The following FAR2 variants were observed in gnomAD, a reference collection of about 807,000 sequenced individuals.
FAR2 encodes the protein fatty acyl-CoA reductase 2, also known as epididymis secretory protein Li 81.
FAR2 carries 19 observed loss-of-function variants against 56.0 expected under a neutral mutation model. That is an observed-to-expected ratio of 0.34 (90% confidence interval 0.24 to 0.50). The LOEUF (loss-of-function observed/expected upper bound fraction) is 0.50, where lower values mean the gene tolerates loss of function less well. FAR2 is among the 20% of genes least tolerant of loss of function. FAR2 has a pLI of 0.98. For synonymous variants in FAR2, 219 were observed against 218.8 expected, an observed-to-expected ratio of 1.00 and a Z score of -0.01; for missense variants, 508 against 642.2, an observed-to-expected ratio of 0.79 and a Z score of 2.26.
chr12:29,274,458 G>T (rs1948672252), intron 2 of FAR2, among the ~76,000 whole-genome samples: 1 of 151,942 alleles, frequency 6.6e-6, no homozygotes, highest in South Asian at 2.1e-4. Flanking sequence ...GGACATTTGG[G>T]TTGGTTCCAA....
At chr12:29,187,018 G>A (rs1284836606) in intron 1 of FAR2, among the ~76,000 whole-genome samples, 1 of 152,072 alleles carries the variant, frequency 6.6e-6, no homozygotes, top group Non-Finnish European at 1.5e-5. Flanking sequence ...TCGATCTCCT[G>A]GCCTCGTGAT....
intron 1 of FAR2, among the ~76,000 whole-genome samples, chr12:29,241,877 C>A (rs1280885563): frequency 6.6e-6 from 1 of 152,196 alleles, no homozygotes; most frequent in Non-Finnish European, 1.5e-5. Context: ...GGGTGTAGCA[C>A]CCCCTGGGTG....
intron 10 of FAR2, among the ~76,000 whole-genome samples, chr12:29,323,279 A>G (rs1949583245): frequency 6.6e-6 from 1 of 152,234 alleles, no homozygotes; most frequent in African/African-American, 2.4e-5. Flanking sequence ...CCCACCACAG[A>G]TCAAGGAGGC....
rs772522372 is a variant in FAR2 at position 29,321,962 on chromosome 12, A to G, written c.1257+38A>G. 8.9e-6 allele frequency: 14 copies of G among 1,579,558 alleles called. No individual in the cohort carries two copies. In the Admixed American group the frequency reaches 2.6e-4, roughly 29 times the overall value. On this transcript the variant is annotated intron_variant, in intron 10 of 11. Transcript: ENST00000536681. ...CTGACTTAAGCACCAGGAAAATGCT[A>G]CTCACTTGGAATTTAGAATTATTTG...
intron 1 of FAR2, among the ~76,000 whole-genome samples, chr12:29,256,320 T>A (rs1426436258): frequency 6.6e-6 from 1 of 152,150 alleles, no homozygotes; most frequent in Admixed American, 6.5e-5. Context: ...TCCTAGTAGC[T>A]GAGATTACAG....
At chr12:29,323,043 G>T (rs1036800614) in intron 10 of FAR2, among the ~76,000 whole-genome samples, 1 of 152,238 alleles carries the variant, frequency 6.6e-6, no homozygotes, top group Non-Finnish European at 1.5e-5. Context: ...GGTAGCTGTA[G>T]ACTGGAGCTG....
At chr12:29,170,693 C>T (rs1949876975) in intron 1 of FAR2, among the ~76,000 whole-genome samples, 1 of 151,886 alleles carries the variant, frequency 6.6e-6, no homozygotes, top group South Asian at 2.1e-4. Flanking sequence ...TCCTCTCTCT[C>T]TTTGACTTTC....
chr12:29,175,181 A>C (rs149081076), intron 1 of FAR2, among the ~76,000 whole-genome samples: 2 of 152,342 alleles, frequency 1.3e-5, no homozygotes, highest in African/African-American at 4.8e-5. Flanking sequence ...GGTACTCCCC[A>C]CTTGGCGATA....
chr12:29,189,929 TG>T (rs1950086682), intron 1 of FAR2, among the ~76,000 whole-genome samples: 2 of 152,100 alleles, frequency 1.3e-5, no homozygotes, highest in African/African-American at 4.8e-5. Flanking sequence ...AGACAGACTT[TG>T]AAGATACAGC....
chr12:29,284,006 T>C (rs529248427), intron 2 of FAR2, among the ~76,000 whole-genome samples: 1 of 152,360 alleles, frequency 6.6e-6, no homozygotes, highest in South Asian at 2.1e-4. Context: ...TCGAGTTTCC[T>C]AGTGTCTTAC....
chr12:29,271,927 G>A (rs1052001903), intron 2 of FAR2, among the ~76,000 whole-genome samples: 1 of 152,062 alleles, frequency 6.6e-6, no homozygotes, highest in African/African-American at 2.4e-5. Flanking sequence ...GGAAAAATTG[G>A]ATTTCCAACC....
At chr12:29,157,111 T>TATAG (rs1481356370) in intron 1 of FAR2, 19 of 91,052 alleles carry the variant, frequency 2.1e-4, no homozygotes, top group Non-Finnish European at 3.8e-4. Flanking sequence ...ACATTTTATA[T>TATAG]ATATATATAT....
At chr12:29,197,264 A>C (rs780569604) in intron 1 of FAR2, among the ~76,000 whole-genome samples, 33 of 152,224 alleles carry the variant, frequency 2.2e-4, no homozygotes, top group Non-Finnish European at 1.0e-4. Flanking sequence ...GTTCATTTAG[A>C]GTTTCCAAGA....
chr12:29,294,003 T>C (rs981127319), intron 3 of FAR2, among the ~76,000 whole-genome samples: 4 of 152,220 alleles, frequency 2.6e-5, no homozygotes, highest in Non-Finnish European at 4.4e-5. Flanking sequence ...ACATATCAGA[T>C]GTTACCCAGG....
intron 2 of FAR2, among the ~76,000 whole-genome samples, chr12:29,274,242 G>T (rs1418319172): frequency 7.8e-6 from 1 of 127,812 alleles, no homozygotes; most frequent in Non-Finnish European, 1.5e-5. Context: ...CCCTTCCTGT[G>T]TCCATGTGTT....
intron 1 of FAR2, among the ~76,000 whole-genome samples, chr12:29,264,889 A>T (rs1320794003): frequency 6.6e-6 from 1 of 151,968 alleles, no homozygotes; most frequent in South Asian, 2.1e-4. Flanking sequence ...CACAGTGGAC[A>T]CTCTGAAAAA....
At chr12:29,170,778 C>T (rs1295145505) in intron 1 of FAR2, among the ~76,000 whole-genome samples, 1 of 152,076 alleles carries the variant, frequency 6.6e-6, no homozygotes, top group African/African-American at 2.4e-5. Context: ...CTCTGACTTT[C>T]TCTTTCTCTC....
chr12:29,192,021 G>C (rs756243518), intron 1 of FAR2, among the ~76,000 whole-genome samples: 3 of 152,182 alleles, frequency 2.0e-5, no homozygotes, highest in Non-Finnish European at 4.4e-5. Flanking sequence ...TATTTGTATT[G>C]GTTGATTAGG....
intron 4 of FAR2, chr12:29,301,486 G>C (rs908534726): frequency 1.3e-5 from 2 of 152,196 alleles, no homozygotes; most frequent in Admixed American, 1.3e-4. Context: ...GCACATAACT[G>C]ACCAAGAAAG....
Sources: gnomAD v4.1 joint callset for allele counts (sites outside exome capture counted in the v4.1 genomes callset) on GRCh38, gnomAD v4.1.1 for gene constraint, MANE v1.5 for transcripts, NCBI Gene and HGNC (gene_info 2026-07-23, HGNC 2026-07-21) for gene names.